The following ARB2A variants were observed in gnomAD, a reference collection of about 807,000 sequenced individuals.
ARB2A encodes cotranscriptional regulator ARB2A.
chr5:93,937,737 T>C, the ARB2A span, among the ~76,000 whole-genome samples: 8 of 152,136 alleles, frequency 5.3e-5, no homozygotes, highest in Non-Finnish European at 1.2e-4. Flanking sequence ...CCTCTACAGA[T>C]ATCAAAACCA....
the ARB2A span, among the ~76,000 whole-genome samples, chr5:93,731,649 A>G: frequency 6.6e-6 from 1 of 152,210 alleles, no homozygotes; most frequent in African/African-American, 2.4e-5. Context: ...ATCTAGGAAC[A>G]TTATCATCCA....
the ARB2A span, among the ~76,000 whole-genome samples, chr5:93,954,574 C>A: frequency 1.3e-5 from 2 of 151,844 alleles, no homozygotes; most frequent in Non-Finnish European, 2.9e-5. Context: ...TCTTGGGCTG[C>A]GAGCTGTGTT....
chr5:93,741,450 C>G, the ARB2A span: 1 of 1,613,546 alleles, frequency 6.2e-7, no homozygotes, highest in Non-Finnish European at 8.5e-7. Context: ...CAGGGGCCGC[C>G]TGGGTGCTCA....
the ARB2A span, among the ~76,000 whole-genome samples, chr5:93,987,878 C>T: frequency 6.6e-6 from 1 of 152,124 alleles, no homozygotes; most frequent in Non-Finnish European, 1.5e-5. Flanking sequence ...TTTCAGGCAC[C>T]TTAAATATTC....
the ARB2A span, among the ~76,000 whole-genome samples, chr5:93,849,906 A>G: frequency 1.3e-5 from 2 of 152,226 alleles, no homozygotes; most frequent in African/African-American, 4.8e-5. Flanking sequence ...AAGTGATAAC[A>G]GCAGCCAATA....
chr5:93,952,790 G>A, the ARB2A span, among the ~76,000 whole-genome samples: 3 of 151,918 alleles, frequency 2.0e-5, no homozygotes, highest in East Asian at 3.9e-4. Flanking sequence ...CTTCTTTATG[G>A]TCAATAACTC....
the ARB2A span, among the ~76,000 whole-genome samples, chr5:93,926,118 A>G: frequency 2.0e-5 from 3 of 151,786 alleles, no homozygotes; most frequent in Non-Finnish European, 4.4e-5. Flanking sequence ...CTCAGATACT[A>G]CTATATTTCC....
the ARB2A span, among the ~76,000 whole-genome samples, chr5:93,979,215 G>A: frequency 3.9e-5 from 6 of 152,070 alleles, no homozygotes; most frequent in South Asian, 1.2e-3. Flanking sequence ...CAGACCAATT[G>A]CAATTGGTAG....
chr5:94,001,727 T>C, the ARB2A span, among the ~76,000 whole-genome samples: 1 of 152,220 alleles, frequency 6.6e-6, no homozygotes, highest in Non-Finnish European at 1.5e-5. Flanking sequence ...TGTCCATTTA[T>C]CCATTAGAGC....
chr5:93,740,733 A>G, the ARB2A span: 1 of 1,612,982 alleles, frequency 6.2e-7, no homozygotes, highest in Non-Finnish European at 8.5e-7. Flanking sequence ...CTGTCCCCAC[A>G]ATCTCCCGTG....
At chr5:93,966,247 T>C in the ARB2A span, among the ~76,000 whole-genome samples, 1 of 152,068 alleles carries the variant, frequency 6.6e-6, no homozygotes, top group Non-Finnish European at 1.5e-5. Flanking sequence ...TATCCTTACA[T>C]TTGAAGTAAC....
At chr5:93,633,005 A>C in the ARB2A span, among the ~76,000 whole-genome samples, 1 of 152,124 alleles carries the variant, frequency 6.6e-6, no homozygotes, top group Non-Finnish European at 1.5e-5. Flanking sequence ...CCATTTCTGC[A>C]ATCAGTCCAG....
At chr5:93,951,468 A>C in the ARB2A span, among the ~76,000 whole-genome samples, 1 of 152,128 alleles carries the variant, frequency 6.6e-6, no homozygotes, top group Non-Finnish European at 1.5e-5. Flanking sequence ...TGAGGTCTTA[A>C]ATTTTTTAAT....
the ARB2A span, chr5:93,739,345 A>AAGTAAAAATTAATTAACTAGGG: frequency 6.6e-6 from 1 of 152,178 alleles, no homozygotes; most frequent in African/African-American, 2.4e-5. Flanking sequence ...AAGAAGAATG[A>AAGTAAAAATTAATTAACTAGGG]AGTAAAAATT....
chr5:93,709,651 A>AAC, the ARB2A span, among the ~76,000 whole-genome samples: 132 of 149,954 alleles, frequency 8.8e-4, 1 homozygote, highest in African/African-American at 3.1e-3. Context: ...AAAAAAAAAA[A>AAC]AAAAAACCAT....
At chr5:93,984,278 A>C in the ARB2A span, among the ~76,000 whole-genome samples, 1 of 152,146 alleles carries the variant, frequency 6.6e-6, no homozygotes, top group East Asian at 1.9e-4. Context: ...ACAAAACAAA[A>C]AGTTATTTTA....
chr5:93,902,657 TAGC>T, the ARB2A span, among the ~76,000 whole-genome samples: 3 of 151,890 alleles, frequency 2.0e-5, no homozygotes, highest in African/African-American at 4.8e-5. Flanking sequence ...ATCGGGAGAG[TAGC>T]AGATTAGTTA....
chr5:93,684,145 T>C, the ARB2A span, among the ~76,000 whole-genome samples: 1 of 152,176 alleles, frequency 6.6e-6, no homozygotes, highest in Non-Finnish European at 1.5e-5. Context: ...AGCAGACACT[T>C]GATACATATT....
the ARB2A span, among the ~76,000 whole-genome samples, chr5:93,993,961 C>T: frequency 6.6e-6 from 1 of 151,940 alleles, no homozygotes; most frequent in African/African-American, 2.4e-5. Flanking sequence ...TAAGCATGGG[C>T]CACCTGAGGC....
Sources: gnomAD v4.1 joint callset for allele counts (sites outside exome capture counted in the v4.1 genomes callset) on GRCh38, gnomAD v4.1.1 for gene constraint, MANE v1.5 for transcripts, NCBI Gene and HGNC (gene_info 2026-07-23, HGNC 2026-07-21) for gene names.